The following EPM2A variants were observed in gnomAD, a reference collection of about 807,000 sequenced individuals.
The protein encoded by EPM2A is EPM2A glucan phosphatase, laforin, also known as laforin.
EPM2A carries 21 observed loss-of-function variants against 26.5 expected under a neutral mutation model. The observed-to-expected ratio is 0.79, with a 90% confidence interval of 0.56 to 1.14. The LOEUF (loss-of-function observed/expected upper bound fraction) is 1.14. EPM2A is among the 50% of genes most tolerant of loss of function. The pLI is 0.00. For synonymous variants in EPM2A, 217 were observed against 177.6 expected (o/e 1.22, Z -1.76); for missense variants, 458 against 440.8 (o/e 1.04, Z -0.35).
At chr6:145,517,533 A>C (rs935235284) in intron 2 of EPM2A, among the ~76,000 whole-genome samples, 6 of 152,192 alleles carry the variant, frequency 3.9e-5, no homozygotes, top group Non-Finnish European at 2.9e-5. Flanking sequence ...TATTACTTTC[A>C]TATGACCCAT....
At chr6:145,632,648 A>G (rs1366060654) in intron 3 of EPM2A, among the ~76,000 whole-genome samples, 1 of 152,248 alleles carries the variant, frequency 6.6e-6, no homozygotes, top group African/African-American at 2.4e-5. Context: ...GGTGACAGTC[A>G]AGCCTAACAA....
intron 2 of EPM2A, among the ~76,000 whole-genome samples, chr6:145,580,462 T>C (rs1043092471): frequency 5.3e-5 from 8 of 151,898 alleles, no homozygotes; most frequent in Non-Finnish European, 1.0e-4. Context: ...ATTTTTACTA[T>C]ATCTGAATTC....
At chr6:145,718,356 C>T (rs1456093852) in intron 1 of EPM2A, among the ~76,000 whole-genome samples, 1 of 148,402 alleles carries the variant, frequency 6.7e-6, no homozygotes, top group Non-Finnish European at 1.5e-5. Flanking sequence ...CTGAGAAAAA[C>T]AAGCAATGGG....
At chr6:145,511,623 A>G (rs747251986) in intron 2 of EPM2A, among the ~76,000 whole-genome samples, 4 of 152,218 alleles carry the variant, frequency 2.6e-5, no homozygotes, top group Non-Finnish European at 5.9e-5. Context: ...GCCATGTGTA[A>G]CAAACCCACA....
intron 4 of EPM2A, among the ~76,000 whole-genome samples, chr6:145,468,350 A>G (rs1263318010): frequency 6.6e-6 from 1 of 152,158 alleles, no homozygotes; most frequent in African/African-American, 2.4e-5. Context: ...AAAAGCCACC[A>G]AAGCTAAAAT....
chr6:145,507,581 C>G (rs1470113725), intron 2 of EPM2A, among the ~76,000 whole-genome samples: 1 of 152,176 alleles, frequency 6.6e-6, no homozygotes, highest in Non-Finnish European at 1.5e-5. Context: ...GACCCAGGAC[C>G]AAGAGGAGGA....
chr6:145,667,248 T>C (rs1779274391), intron 2 of EPM2A, among the ~76,000 whole-genome samples: 1 of 119,280 alleles, frequency 8.4e-6, no homozygotes, highest in Non-Finnish European at 1.7e-5. Context: ...TGGGAGAAAA[T>C]TTTCACAACC....
intron 2 of EPM2A, among the ~76,000 whole-genome samples, chr6:145,516,558 G>A (rs762350852): frequency 1.2e-4 from 18 of 152,176 alleles, no homozygotes; most frequent in African/African-American, 3.4e-4. Flanking sequence ...CAGCAGAGCC[G>A]TGAGACTATG....
At chr6:145,528,964 C>T (rs1272188866) in intron 2 of EPM2A, among the ~76,000 whole-genome samples, 1 of 152,024 alleles carries the variant, frequency 6.6e-6, no homozygotes, top group African/African-American at 2.4e-5. Flanking sequence ...TCATGGATAA[C>T]TTTGATGGAT....
At chr6:145,562,128 G>GATA (rs1562383118) in intron 2 of EPM2A, among the ~76,000 whole-genome samples, 3 of 135,422 alleles carry the variant, frequency 2.2e-5, no homozygotes, top group Non-Finnish European at 4.8e-5. Context: ...TTACAAAAAG[G>GATA]AAAAAAAAAA....
intron 4 of EPM2A, among the ~76,000 whole-genome samples, chr6:145,416,744 A>G (rs1387017274): frequency 6.6e-6 from 1 of 152,164 alleles, no homozygotes; most frequent in Non-Finnish European, 1.5e-5. Context: ...AGAGCATTAC[A>G]CAATATACTT....
intron 1 of EPM2A, among the ~76,000 whole-genome samples, chr6:145,700,071 T>C (rs766081491): frequency 6.6e-5 from 10 of 152,144 alleles, no homozygotes; most frequent in Non-Finnish European, 1.3e-4. Flanking sequence ...GTGATAATAA[T>C]CTAAAGAGAT....
At chr6:145,684,140 G>C (rs1358206087) in intron 2 of EPM2A, among the ~76,000 whole-genome samples, 1 of 151,730 alleles carries the variant, frequency 6.6e-6, no homozygotes, top group Non-Finnish European at 1.5e-5. Flanking sequence ...TGAAAATTAA[G>C]AATACAATTA....
chr6:145,627,745 C>G (rs112286444), intron 3 of EPM2A, 52 bp from the exon 4 acceptor site: 1 of 1,597,198 alleles, frequency 6.3e-7, no homozygotes, highest in Non-Finnish European at 8.5e-7. Context: ...CACCAGATAC[C>G]GCCGCTGAGG....
At chr6:145,447,594 C>G (rs1245671863) in intron 4 of EPM2A, among the ~76,000 whole-genome samples, 2 of 152,108 alleles carry the variant, frequency 1.3e-5, no homozygotes, top group Non-Finnish European at 1.5e-5. Context: ...AATGGCTCAA[C>G]ATTGTCTACA....
chr6:145,679,945 G>A (rs990395939), intron 2 of EPM2A: 2 of 152,078 alleles, frequency 1.3e-5, no homozygotes, highest in African/African-American at 4.8e-5. Flanking sequence ...ATATTGGGAA[G>A]AATGAACAAT....
In EPM2A at chr6:145,732,409, C is replaced by CAT. The variant is rs761922660; in HGVS notation, c.301+2788_301+2789insAT. Reference sequence around the variant, plus strand: ...GATACATATATCAGAAACACACACACACATATATATATATATATATATATC... The same window carrying CAT: ...GATACATATATCAGAAACACACACACATACATATATATATATATATATATATC... On this transcript the variant is annotated intron_variant, in intron 1 of 3. Coordinates refer to ENST00000367519, the MANE Select transcript of EPM2A (RefSeq NM_005670.4). Among the ~76,000 whole-genome samples, 449 of 144,332 alleles carry CAT rather than the reference C, an allele frequency of 3.1e-3. 6 individuals are homozygous for CAT. Among genetic ancestry groups the CAT allele is most frequent in the African/African-American group, 0.011 (431 of 38,396 alleles). The allele number at this position is 144,332 out of a possible 152,430, so 94.7% of individuals were successfully genotyped here.
intron 2 of EPM2A, among the ~76,000 whole-genome samples, chr6:145,660,037 T>C (rs1778572952): frequency 6.6e-6 from 1 of 152,206 alleles, no homozygotes; most frequent in African/African-American, 2.4e-5. Flanking sequence ...CATGCTTTGC[T>C]CAATTAAACT....
chr6:145,661,618 C>CT (rs1250157087), intron 2 of EPM2A, among the ~76,000 whole-genome samples: 1 of 152,102 alleles, frequency 6.6e-6, no homozygotes, highest in Non-Finnish European at 1.5e-5. Flanking sequence ...TTTACGTGTT[C>CT]TTTTTTCAGT....
Sources: allele counts gnomAD v4.1 joint callset (sites outside exome capture counted in the v4.1 genomes callset), GRCh38; gene constraint gnomAD v4.1.1; transcripts MANE v1.5; gene names NCBI Gene and HGNC (gene_info 2026-07-23, HGNC 2026-07-21).